Variants in ZNF362 observed in about 807,000 individuals in gnomAD.
ZNF362 encodes the protein zinc finger protein 362.
In ZNF362, 11 loss-of-function variants were observed where a neutral mutation model predicts 42.9. The observed-to-expected ratio is 0.26, with a 90% CI of 0.16 to 0.42. ZNF362 has a LOEUF of 0.42. Ranked by LOEUF, ZNF362 falls within the 20% of genes least tolerant of loss-of-function variation. The pLI, the probability that ZNF362 is intolerant of heterozygous loss-of-function variation, is 1.00. For missense variants in ZNF362, 362 were observed against 576.2 expected (o/e 0.63, Z 3.81); for synonymous variants, 255 against 257.3 (o/e 0.99, Z 0.09).
chr1:33,140,702 T>C, the ZNF362 span, among the ~76,000 whole-genome samples: 237 of 152,334 alleles, frequency 1.6e-3, no homozygotes, highest in African/African-American at 5.4e-3. The surrounding 1 kb of genome is among the most constrained non-coding windows in gnomAD (Gnocchi z 4.0). Flanking sequence ...GTCCTTGCTG[T>C]GGCTGGTGCT....
At chr1:33,178,414 AT>A in the ZNF362 span, among the ~76,000 whole-genome samples, 11 of 152,312 alleles carry the variant, frequency 7.2e-5, no homozygotes, top group Admixed American at 7.2e-4. Context: ...TGGGAGGCAG[AT>A]TTCTCTGCCA....
At chr1:33,268,631 T>C (rs569949451) in intron 1 of ZNF362, among the ~76,000 whole-genome samples, 16 of 152,044 alleles carry the variant, frequency 1.1e-4, no homozygotes, top group Non-Finnish European at 1.9e-4. Context: ...GAGGGATGCA[T>C]TGGAATTCAC....
chr1:33,218,401 C>T, the ZNF362 span, among the ~76,000 whole-genome samples: 2 of 152,128 alleles, frequency 1.3e-5, no homozygotes, highest in Non-Finnish European at 2.9e-5. Context: ...TGATTACACA[C>T]ACCACTGCAC....
intron 4 of ZNF362, among the ~76,000 whole-genome samples, chr1:33,279,902 A>G (rs1264167264): frequency 1.3e-5 from 2 of 152,142 alleles, no homozygotes; most frequent in African/African-American, 2.4e-5. Flanking sequence ...GTATTTTTCT[A>G]TAGTTTGAAT....
chr1:33,191,035 T>G, the ZNF362 span, among the ~76,000 whole-genome samples: 4 of 152,254 alleles, frequency 2.6e-5, no homozygotes, highest in East Asian at 3.8e-4. Context: ...AGTTTTGGTT[T>G]CTTGGAACTT....
the ZNF362 span, among the ~76,000 whole-genome samples, chr1:33,175,553 T>C: frequency 2.0e-5 from 3 of 152,116 alleles, no homozygotes; most frequent in Admixed American, 2.0e-4. Context: ...AACCAGATGG[T>C]TTCTCAGGTT....
chr1:33,145,089 C>T, the ZNF362 span, among the ~76,000 whole-genome samples: 2 of 152,206 alleles, frequency 1.3e-5, no homozygotes, highest in Non-Finnish European at 2.9e-5. Flanking sequence ...AGGCTCTTGC[C>T]ACTGCCCCAT....
chr1:33,185,524 G>T, the ZNF362 span, among the ~76,000 whole-genome samples: 1 of 152,078 alleles, frequency 6.6e-6, no homozygotes, highest in African/African-American at 2.4e-5. Context: ...GCCCGACCCA[G>T]TCTCTTCTCT....
chr1:33,184,309 A>G, the ZNF362 span, among the ~76,000 whole-genome samples: 6 of 152,216 alleles, frequency 3.9e-5, no homozygotes, highest in Admixed American at 1.3e-4. Context: ...TTATAGAGGA[A>G]GATACCAAGG....
the ZNF362 span, among the ~76,000 whole-genome samples, chr1:33,177,369 C>G: frequency 6.6e-6 from 1 of 152,134 alleles, no homozygotes; most frequent in Non-Finnish European, 1.5e-5. This position sits in a 1 kb window ranked among gnomAD's most constrained non-coding sequence, Gnocchi z 4.1. Context: ...TTACAACATC[C>G]TTCCCAGGAA....
At chr1:33,227,874 A>C in the ZNF362 span, among the ~76,000 whole-genome samples, 1 of 150,284 alleles carries the variant, frequency 6.7e-6, no homozygotes, top group African/African-American at 2.5e-5. Context: ...TTTTTTTCCC[A>C]CTCAGTTATT....
chr1:33,147,761 G>T, the ZNF362 span: 19 of 1,590,864 alleles, frequency 1.2e-5, no homozygotes, highest in Middle Eastern at 6.8e-4. This position sits in a 1 kb window ranked among gnomAD's most constrained non-coding sequence, Gnocchi z 8.1. Context: ...GAAGATGAGT[G>T]GGGAGAAGGC....
the ZNF362 span, among the ~76,000 whole-genome samples, chr1:33,230,389 A>G: frequency 6.6e-6 from 1 of 152,238 alleles, no homozygotes; most frequent in Non-Finnish European, 1.5e-5. Context: ...AAGCAGGTGT[A>G]GTAATAACAT....
the ZNF362 span, among the ~76,000 whole-genome samples, chr1:33,238,832 T>C: frequency 6.6e-6 from 1 of 152,118 alleles, no homozygotes; most frequent in Non-Finnish European, 1.5e-5. Flanking sequence ...GAAAAGGCCA[T>C]GTGGAGACAC....
At chr1:33,148,126 AG>A in the ZNF362 span, among the ~76,000 whole-genome samples, 7 of 152,150 alleles carry the variant, frequency 4.6e-5, no homozygotes, top group South Asian at 1.4e-3. Context: ...GAAATTGGTG[AG>A]TGTGTTCAGG....
chr1:33,133,314 T>A, the ZNF362 span, among the ~76,000 whole-genome samples: 1 of 151,646 alleles, frequency 6.6e-6, no homozygotes, highest in Non-Finnish European at 1.5e-5. Flanking sequence ...GGAAGGAGAG[T>A]TTCTCTTTTT....
chr1:33,238,602 A>G, the ZNF362 span, among the ~76,000 whole-genome samples: 2 of 151,916 alleles, frequency 1.3e-5, no homozygotes, highest in African/African-American at 4.8e-5. Flanking sequence ...GAGCGAAGGG[A>G]GTTGTTATGG....
At chr1:33,145,979 G>A in the ZNF362 span, 1 of 467,728 alleles carries the variant, frequency 2.1e-6, no homozygotes. Flanking sequence ...TGGGAGAGGG[G>A]CAGGCCTCAG....
At chr1:33,174,079 A>G in the ZNF362 span, among the ~76,000 whole-genome samples, 8 of 152,282 alleles carry the variant, frequency 5.3e-5, no homozygotes, top group East Asian at 3.9e-4. Context: ...TAGGTGTACA[A>G]TTCAGAGGTA....
Sources: gnomAD v4.1 joint callset for allele counts (sites outside exome capture counted in the v4.1 genomes callset) on GRCh38, gnomAD v4.1.1 for gene constraint, Gnocchi (gnomAD v3.1) non-coding constraint, MANE v1.5 for transcripts, NCBI Gene and HGNC (gene_info 2026-07-23, HGNC 2026-07-21) for gene names.